The following LIFR variants were observed in gnomAD, a reference collection of about 807,000 sequenced individuals.
LIFR encodes the protein leukemia inhibitory factor receptor.
LIFR carries 84 observed loss-of-function variants against 122.2 expected under a neutral mutation model. That is an observed-to-expected ratio of 0.69 (90% CI 0.58 to 0.82). The LOEUF (loss-of-function observed/expected upper bound fraction) is 0.82. LIFR is among the 40% of genes least tolerant of loss of function. LIFR has a pLI of 0.00. For missense variants in LIFR, 1,294 were observed against 1,311.6 expected (o/e 0.99, Z 0.21); for synonymous variants, 422 against 434.7 (o/e 0.97, Z 0.36).
At chr5:38,562,451 A>T (rs2112694814) in intron 1 of LIFR, among the ~76,000 whole-genome samples, 1 of 152,262 alleles carries the variant, frequency 6.6e-6, no homozygotes, top group South Asian at 2.1e-4. Context: ...AAAACATTTA[A>T]ATTGATGCTA....
At chr5:38,545,988 G>T (rs1747869773) in intron 1 of LIFR, among the ~76,000 whole-genome samples, 1 of 151,912 alleles carries the variant, frequency 6.6e-6, no homozygotes, top group Admixed American at 6.5e-5. Flanking sequence ...AATAAATGTG[G>T]AGAAAATTCA....
upstream of LIFR, among the ~76,000 whole-genome samples, chr5:38,598,239 TTATTTA>T (rs1561235508): frequency 2.3e-4 from 7 of 30,376 alleles, no homozygotes; most frequent in South Asian, 9.4e-4. Context: ...TTTTATTTAT[TTATTTA>T]TTTTTTTTTT....
intron 11 of LIFR, among the ~76,000 whole-genome samples, chr5:38,501,685 G>A (rs760080821): frequency 6.6e-6 from 1 of 151,958 alleles, no homozygotes. Context: ...ACATTGCAGT[G>A]AGCCGAGATC....
chr5:38,497,008 A>C (rs778049810), intron 12 of LIFR, among the ~76,000 whole-genome samples: 1 of 152,032 alleles, frequency 6.6e-6, no homozygotes, highest in Non-Finnish European at 1.5e-5. Context: ...ACAAGGTAGT[A>C]TCAGAAAAGA....
intron 1 of LIFR, among the ~76,000 whole-genome samples, chr5:38,553,637 TATA>T (rs2112661546): frequency 1.3e-5 from 1 of 75,330 alleles, no homozygotes; most frequent in South Asian, 3.8e-4. Context: ...TATATATATA[TATA>T]TATATATATA....
intron 10 of LIFR, among the ~76,000 whole-genome samples, chr5:38,503,209 ATT>A (rs1175826242): frequency 1.3e-5 from 2 of 152,174 alleles, no homozygotes; most frequent in Admixed American, 6.5e-5. Flanking sequence ...TTTGGATGAT[ATT>A]TGGAAGTTTC....
Position 38,567,865 on chromosome 5 carries a change from A to G in LIFR, c.-20+27396T>C, listed in dbSNP as rs570232623. 2.0e-5 allele frequency among the ~76,000 whole-genome samples: 3 copies of G among 152,198 alleles called. No individual in the cohort carries two copies. In the South Asian group the frequency reaches 6.2e-4, roughly 32 times the overall value. On this transcript the variant is annotated intron_variant, in intron 1 of 19. Coordinates refer to the LIFR transcript ENST00000263409. ...TTTCAAAGAGCCTGCCATGAGGTTA[A>G]TATTCCCCCAGAGCAACTTAGGAAC... is the stretch of plus-strand genomic sequence containing the variant.
chr5:38,566,363 T>A (rs1259693974), intron 1 of LIFR, among the ~76,000 whole-genome samples: 14 of 152,230 alleles, frequency 9.2e-5, no homozygotes, highest in Admixed American at 9.2e-4. Context: ...ATCAATATTT[T>A]CTTCATTTTA....
intron 6 of LIFR, 39 bp downstream of exon 6, chr5:38,511,751 A>T: frequency 6.3e-7 from 1 of 1,586,044 alleles, no homozygotes; most frequent in Non-Finnish European, 8.7e-7. Context: ...AGACTAATTT[A>T]ATTCATCTGA....
chr5:38,541,911 G>C (rs559036521), intron 1 of LIFR, among the ~76,000 whole-genome samples: 1 of 152,238 alleles, frequency 6.6e-6, no homozygotes, highest in South Asian at 2.1e-4. Flanking sequence ...CACAAAAAAA[G>C]GTTAATAAGC....
intron 5 of LIFR, among the ~76,000 whole-genome samples, chr5:38,521,494 G>C (rs1746395820): frequency 6.6e-6 from 1 of 152,144 alleles, no homozygotes. Flanking sequence ...CAGTCTTTGG[G>C]TCCCGGCAGT....
In LIFR at chr5:38,478,024, C is replaced by T. The variant is rs780971288; in HGVS notation, c.*3571G>A. On this transcript the variant is annotated 3_prime_UTR_variant, in exon 20 of 20. Coordinates refer to ENST00000453190, the MANE Select transcript of LIFR (RefSeq NM_001127671.2). ...AGATAACATTTTAAAAATATTGACA[C>T]GTTAAGGAGTATTTTACTTTCAAAA... 3.4e-5 allele frequency: 7 copies of T among 208,950 alleles called. No individual in the cohort carries two copies. The highest frequency in any genetic ancestry group is 1.1e-4 in the African/African-American group (5 of 44,036). The allele number at this position is 208,950 out of a possible 1,614,324, so 12.9% of individuals were successfully genotyped here.
chr5:38,516,396 C>T (rs1416011627), intron 5 of LIFR, among the ~76,000 whole-genome samples: 5 of 152,004 alleles, frequency 3.3e-5, no homozygotes, highest in African/African-American at 9.7e-5. Context: ...ATCAAAAAAG[C>T]GGGCAAACGA....
intron 5 of LIFR, among the ~76,000 whole-genome samples, chr5:38,523,035 G>A (rs868041086): frequency 6.6e-6 from 1 of 152,096 alleles, no homozygotes. Context: ...ATTCTCTATG[G>A]CTAAGTTCTG....
chr5:38,497,566 T>G (rs1159032786), intron 12 of LIFR, among the ~76,000 whole-genome samples: 1 of 152,204 alleles, frequency 6.6e-6, no homozygotes, highest in African/African-American at 2.4e-5. Context: ...AACATTTGTT[T>G]TCTCATTTTA....
At chr5:38,575,924 G>A (rs1749369628) in intron 1 of LIFR, among the ~76,000 whole-genome samples, 1 of 152,178 alleles carries the variant, frequency 6.6e-6, no homozygotes, top group Non-Finnish European at 1.5e-5. Flanking sequence ...AAGGAACCTT[G>A]TGAAGATTGC....
upstream of LIFR, among the ~76,000 whole-genome samples, chr5:38,598,408 G>A (rs1259358259): frequency 6.6e-6 from 1 of 150,878 alleles, no homozygotes; most frequent in Admixed American, 6.6e-5. Context: ...CACCATGCCT[G>A]GCTAATTTTT....
intron 1 of LIFR, among the ~76,000 whole-genome samples, chr5:38,538,779 G>A (rs1432664161): frequency 2.0e-5 from 3 of 152,224 alleles, no homozygotes; most frequent in African/African-American, 7.2e-5. Context: ...TCCATAGTGA[G>A]TTGCAAAGCT....
At chr5:38,539,111 C>T (rs1405788236) in intron 1 of LIFR, among the ~76,000 whole-genome samples, 1 of 152,136 alleles carries the variant, frequency 6.6e-6, no homozygotes, top group South Asian at 2.1e-4. Context: ...CAGGCGCCTG[C>T]CACTGTGCCT....
Sources: gnomAD v4.1 joint callset for allele counts (sites outside exome capture counted in the v4.1 genomes callset) on GRCh38, gnomAD v4.1.1 for gene constraint, MANE v1.5 for transcripts, NCBI Gene and HGNC (gene_info 2026-07-23, HGNC 2026-07-21) for gene names.